TLL1: variants seen among roughly 807,000 people sequenced by gnomAD.
The protein encoded by TLL1 is tolloid-like protein 1.
Under a neutral mutation model 128.2 loss-of-function variants are expected in TLL1, and 49 were observed. That is an observed-to-expected ratio of 0.38 (90% CI 0.30 to 0.48). The LOEUF is 0.48. TLL1 is among the 20% of genes least tolerant of loss of function. TLL1 has a pLI of 0.96. For synonymous variants in TLL1, 454 were observed against 418.8 expected, an observed-to-expected ratio of 1.08 and a Z score of -1.03; for missense variants, 1,123 against 1,242.0, an observed-to-expected ratio of 0.90 and a Z score of 1.44.
At chr4:165,987,611 A>T (rs1736447796) in intron 1 of TLL1, among the ~76,000 whole-genome samples, 1 of 152,118 alleles carries the variant, frequency 6.6e-6, no homozygotes, top group African/African-American at 2.4e-5. Context: ...TTAAGAGAGA[A>T]ATCTAATTAT....
rs1286638093 is a variant in TLL1, at chr4:166,014,419, C to A, written c.918-17C>A. On this transcript the variant is annotated splice_polypyrimidine_tract_variant and intron_variant, in intron 7 of 20. Transcript: ENST00000061240. The stretch of plus-strand genomic sequence containing the variant: ...CATTTGGTGACTTAGGTGTGGTTTG[C>A]TTCTGCTTTTTTTCAGGGGGATGTT... 1 of 1,611,386 alleles carries A rather than the reference C, an allele frequency of 6.2e-7. No individual in the cohort carries two copies. The highest frequency in any genetic ancestry group is 8.5e-7 in the Non-Finnish European group (1 of 1,178,178).
At chr4:165,944,573 A>G (rs1191968889) in intron 1 of TLL1, among the ~76,000 whole-genome samples, 1 of 152,116 alleles carries the variant, frequency 6.6e-6, no homozygotes, top group Non-Finnish European at 1.5e-5. Flanking sequence ...AGAAATAATT[A>G]TGGGGTTTTA....
At chr4:165,875,215 G>A (rs1730671983) in intron 1 of TLL1, among the ~76,000 whole-genome samples, 1 of 152,188 alleles carries the variant, frequency 6.6e-6, no homozygotes, top group Admixed American at 6.5e-5. Flanking sequence ...GATTCCGTGC[G>A]GGGTTGCTCT....
At position 166,003,548 on chromosome 4, in the gene TLL1, A is replaced by G. The variant is rs757968409; in HGVS notation, c.790A>G (p.Ile264Val). ...AGATCGAGATAACCACGTAACTATC[A>G]TAAGAGAAAACATCCAGCCAGGTGA... is the stretch of plus-strand genomic sequence containing the variant. ...RPDRDNHVTI[I>V]RENIQPGQEY... The change falls in exon 6 of 21, where the codon ATA (isoleucine) becomes GTA (valine). Residue 264 changes from isoleucine (I) to valine (V), a missense_variant. Ile to Val is a conservative substitution (Grantham distance 29). Around this residue, in one of 3 missense-constraint regions of TLL1, gnomAD observed 480 missense variants for 542.4 expected, o/e 0.89. Coordinates refer to ENST00000061240, the MANE Select transcript of TLL1 (RefSeq NM_012464.5). 1.6e-5 allele frequency: 26 copies of G among 1,613,888 alleles called. No homozygotes were observed. The highest frequency in any genetic ancestry group is 2.2e-5 in the South Asian group (2 of 91,084).
chr4:165,925,763 A>ACAAATTC (rs373519164), intron 1 of TLL1, among the ~76,000 whole-genome samples: 8 of 152,188 alleles, frequency 5.3e-5, no homozygotes, highest in African/African-American at 1.4e-4. Context: ...AATTGATGTG[A>ACAAATTC]CAAATTCCAT....
Position 166,101,259 on chromosome 4 carries a change from A to C in TLL1, c.*383A>C, listed in dbSNP as rs555445063. 2.9e-4 allele frequency: 82 copies of C among 284,858 alleles called. No homozygotes were observed. Among genetic ancestry groups the C allele is most frequent in the African/African-American group, 1.7e-3 (77 of 44,620 alleles). 17.6% of individuals were successfully genotyped at this position (284,858 alleles called of 1,614,324 possible). The stretch of plus-strand genomic sequence containing the variant: ...ATTTAGGGACATAAAATGATCTTGC[A>C]GGTCGTAAACTGGAAAACAGTATTT... On this transcript the variant is annotated 3_prime_UTR_variant, in exon 21 of 21. Coordinates refer to ENST00000061240, the MANE Select transcript of TLL1 (RefSeq NM_012464.5).
intron 1 of TLL1, among the ~76,000 whole-genome samples, chr4:165,949,781 CG>C (rs1280673067): frequency 6.6e-6 from 1 of 151,854 alleles, no homozygotes; most frequent in African/African-American, 2.4e-5. Flanking sequence ...TATCTCCCAC[CG>C]GGTCCCTCCC....
chr4:165,999,923 T>G (rs1737072573), intron 5 of TLL1, among the ~76,000 whole-genome samples: 5 of 152,212 alleles, frequency 3.3e-5, no homozygotes, highest in Admixed American at 3.3e-4. Context: ...TCTAATAGAT[T>G]AGCTTCCAAA....
At chr4:165,879,866 C>T (rs1319367948) in intron 1 of TLL1, among the ~76,000 whole-genome samples, 2 of 151,972 alleles carry the variant, frequency 1.3e-5, no homozygotes, top group African/African-American at 4.8e-5. Context: ...TTTCCTCATC[C>T]TCAGGATGAG....
chr4:165,987,878 A>C (rs1051089332), intron 1 of TLL1, among the ~76,000 whole-genome samples: 1 of 152,114 alleles, frequency 6.6e-6, no homozygotes, highest in Non-Finnish European at 1.5e-5. Flanking sequence ...TTTAAATCCA[A>C]TGAAAGACAG....
At chr4:165,989,963 T>C (rs1176864932) in intron 2 of TLL1, among the ~76,000 whole-genome samples, 2 of 151,880 alleles carry the variant, frequency 1.3e-5, no homozygotes, top group Non-Finnish European at 2.9e-5. Flanking sequence ...TTGCAAAATG[T>C]AAATTATTCT....
intron 1 of TLL1, among the ~76,000 whole-genome samples, chr4:165,962,044 A>C (rs548478938): frequency 6.6e-6 from 1 of 152,104 alleles, no homozygotes; most frequent in African/African-American, 2.4e-5. Flanking sequence ...TGTTCTAAAA[A>C]AAATTGCAAT....
chr4:165,878,688 G>A (rs1730830173), intron 1 of TLL1, among the ~76,000 whole-genome samples: 1 of 151,956 alleles, frequency 6.6e-6, no homozygotes, highest in Middle Eastern at 3.4e-3. Flanking sequence ...TTTTGCTTCT[G>A]GGTAGTGTCA....
At chr4:166,005,164 G>C (rs1281487339) in intron 6 of TLL1, among the ~76,000 whole-genome samples, 1 of 151,964 alleles carries the variant, frequency 6.6e-6, no homozygotes, top group Non-Finnish European at 1.5e-5. Context: ...TGAAACATTT[G>C]AGATATTGAA....
At chr4:166,069,066 T>A (rs1197106304) in intron 16 of TLL1, among the ~76,000 whole-genome samples, 4 of 151,802 alleles carry the variant, frequency 2.6e-5, no homozygotes, top group Admixed American at 6.6e-5. Context: ...AAGAAAAAAC[T>A]CCTATCATGT....
intron 1 of TLL1, among the ~76,000 whole-genome samples, chr4:165,967,562 A>G (rs1386560746): frequency 1.3e-5 from 2 of 152,188 alleles, no homozygotes; most frequent in Non-Finnish European, 2.9e-5. Flanking sequence ...ACTGCCCACA[A>G]CAAAGATGGA....
intron 19 of TLL1, 88 bp downstream of exon 19, chr4:166,091,429 TA>T: frequency 8.8e-7 from 1 of 1,131,906 alleles, no homozygotes. Flanking sequence ...GGATTGTAAA[TA>T]AATCTCCAAG....
intron 1 of TLL1, among the ~76,000 whole-genome samples, chr4:165,957,103 A>G (rs915520612): frequency 1.5e-4 from 23 of 152,274 alleles, no homozygotes; most frequent in African/African-American, 5.3e-4. Context: ...GCTGTCTTCA[A>G]GAGACCCATC....
chr4:165,931,717 T>G (rs1210484800), intron 1 of TLL1, among the ~76,000 whole-genome samples: 1 of 69,844 alleles, frequency 1.4e-5, no homozygotes, highest in Admixed American at 2.0e-4. Context: ...AGACTCTGTC[T>G]CAAAAGAAAA....
Sources: allele counts gnomAD v4.1 joint callset (sites outside exome capture counted in the v4.1 genomes callset), GRCh38; gene constraint gnomAD v4.1.1; regional missense constraint gnomAD v4.1.1; transcripts MANE v1.5; gene names NCBI Gene and HGNC (gene_info 2026-07-23, HGNC 2026-07-21).